Variants in ACOX3 observed in about 807,000 individuals in gnomAD.
The protein encoded by ACOX3 is acyl-CoA oxidase 3, pristanoyl, also known as peroxisomal acyl-coenzyme A oxidase 3.
ACOX3 carries 73 observed loss-of-function variants against 81.5 expected under a neutral mutation model. The ratio of observed to expected loss-of-function variants is 0.90; its 90% CI spans 0.74 to 1.09. The LOEUF is 1.09. Among genes scored for constraint, ACOX3 ranks in the 50% least tolerant of loss-of-function variants. ACOX3 has a pLI of 0.00. For synonymous variants in ACOX3, 387 were observed against 375.1 expected (o/e 1.03, Z -0.37); for missense variants, 947 against 928.0 (o/e 1.02, Z -0.27).
chr4:8,399,267 G>A lies in ACOX3; in HGVS notation c.873+289C>T, dbSNP rs1407893534. On this transcript the variant is annotated intron_variant, in intron 8 of 17. Coordinates refer to ENST00000356406, the MANE Select transcript of ACOX3 (RefSeq NM_003501.3). The surrounding 1 kb of genome is among the most constrained non-coding windows in gnomAD (Gnocchi z 4.9). ...GAGACCCGTCTCCTTCAAATCCTCA[G>A]GGAAGCATCACTGGAAGCGAGCAGT... Among the ~76,000 whole-genome samples, 1 of 152,170 alleles carries A rather than the reference G, an allele frequency of 6.6e-6. No homozygotes were observed. The highest frequency in any genetic ancestry group is 1.5e-5 in the Non-Finnish European group (1 of 68,026).
intron 1 of ACOX3, among the ~76,000 whole-genome samples, chr4:8,429,758 GCAATTTGCCATGTAAAGAA>G (rs1323118226): frequency 1.3e-5 from 2 of 152,212 alleles, no homozygotes; most frequent in Non-Finnish European, 2.9e-5. Context: ...ACTAGACTTA[GCAATTTGCCATGTAAAGAA>G]CAAGGAAGAG....
downstream of ACOX3, among the ~76,000 whole-genome samples, chr4:8,365,704 T>C (rs952385045): frequency 6.6e-6 from 1 of 152,228 alleles, no homozygotes; most frequent in Non-Finnish European, 1.5e-5. Context: ...AAGAAGTCAC[T>C]AATTACCCCT....
At chr4:8,401,142 C>T (rs534733862) in intron 7 of ACOX3, among the ~76,000 whole-genome samples, 16 of 152,122 alleles carry the variant, frequency 1.1e-4, no homozygotes, top group African/African-American at 3.4e-4. Flanking sequence ...TGACAGGAGG[C>T]GGAGCTCAGG....
chr4:8,360,626 C>G, the ACOX3 span, among the ~76,000 whole-genome samples: 1 of 152,100 alleles, frequency 6.6e-6, no homozygotes, highest in Non-Finnish European at 1.5e-5. Context: ...CACCCGCCAC[C>G]ACGCCTGGCT....
At chr4:8,393,604 GACAC>G (rs559059061) in intron 10 of ACOX3, among the ~76,000 whole-genome samples, 12 of 142,944 alleles carry the variant, frequency 8.4e-5, no homozygotes, top group Non-Finnish European at 1.2e-4. Context: ...TTAAGAGGAA[GACAC>G]ACACACGCAC....
rs991122302 is a variant in ACOX3, at chr4:8,435,857, C to G, written c.-15+4791G>C. ...TTTCTCCATATGGCCCAGCCTACCC[C>G]CCTTTACCGAGGCCAACAGCCCCCT... On this transcript the variant is annotated intron_variant, in intron 1 of 17. Transcript: ENST00000356406. Among the ~76,000 whole-genome samples the G allele has an allele frequency of 5.9e-5, 9 of 152,212 alleles. No individual in the cohort carries two copies. In the South Asian group the frequency reaches 1.5e-3, roughly 25 times the overall value.
intron 7 of ACOX3, among the ~76,000 whole-genome samples, chr4:8,401,853 G>C (rs1342135080): frequency 6.6e-6 from 1 of 152,206 alleles, no homozygotes; most frequent in Non-Finnish European, 1.5e-5. Flanking sequence ...TTGACACCAG[G>C]CAGCCCTCGG....
Position 8,374,996 on chromosome 4 carries a change from C to T in ACOX3, c.1810G>A (p.Ala604Thr), listed in dbSNP as rs765630911. 14 of 1,531,594 alleles carry T rather than the reference C, an allele frequency of 9.1e-6. No individual in the cohort carries two copies. The highest frequency in any genetic ancestry group is 4.8e-5 in the South Asian group (4 of 83,382). 94.9% of individuals were successfully genotyped at this position (1,531,594 alleles called of 1,614,324 possible). A position where few individuals can be genotyped will look rare whatever the true frequency, so the allele number is the denominator to read the frequency against. The change falls in exon 15 of 18, where the codon GCG (alanine) becomes ACG (threonine). Residue 604 changes from alanine to threonine, a missense_variant. Transcript: ENST00000356406. ...LYALWSLSRH[A>T]ALLYRGGYFS... The stretch of plus-strand genomic sequence containing the variant: ...GCCTCACCTCGGTAGAGCAGGGCCG[C>T]GTGGCGGCTCAGGGACCACAGGGCG...
At chr4:8,409,915 G>A (rs1307733699) in intron 6 of ACOX3, among the ~76,000 whole-genome samples, 1 of 149,626 alleles carries the variant, frequency 6.7e-6, no homozygotes, top group Non-Finnish European at 1.5e-5. Context: ...CACTGTGGGC[G>A]GAGCTGTCTG....
rs1268991348 is a variant in ACOX3, at chr4:8,385,546, A to T, written c.1537+3627T>A. ...AACAGGGCCCACTGCAGGAAGCAAC[A>T]GCACAGGCCCCCAAGGCACAGGGCT... On this transcript the variant is annotated intron_variant, in intron 13 of 17. Coordinates refer to ENST00000356406, the MANE Select transcript of ACOX3 (RefSeq NM_003501.3). This position sits in a 1 kb window ranked among gnomAD's most constrained non-coding sequence, Gnocchi z 5.5. Among the ~76,000 whole-genome samples the T allele has an allele frequency of 6.6e-6, 1 of 152,252 alleles. No homozygotes were observed. The highest frequency in any genetic ancestry group is 1.5e-5 in the Non-Finnish European group (1 of 68,038).
At chr4:8,372,044 G>C (rs1323290177) in intron 16 of ACOX3, among the ~76,000 whole-genome samples, 1 of 152,228 alleles carries the variant, frequency 6.6e-6, no homozygotes, top group Non-Finnish European at 1.5e-5. Flanking sequence ...GGCACACACA[G>C]AGTGGCACAC....
rs1470523888 is a variant in ACOX3, at chr4:8,370,142, A to G, written c.1983+766T>C. ...AGCAATAGTCAGCTTATACTGAAAG[A>G]ATGGAAGGCACTCCAGGCAGCCCGA... On this transcript the variant is annotated intron_variant, in intron 17 of 17. Transcript: ENST00000356406. This position sits in a 1 kb window ranked among gnomAD's most constrained non-coding sequence, Gnocchi z 6.3. Among the ~76,000 whole-genome samples, 1 of 152,208 alleles carries G rather than the reference A, an allele frequency of 6.6e-6. No homozygotes were observed. The highest frequency in any genetic ancestry group is 1.5e-5 in the Non-Finnish European group (1 of 68,042).
At position 8,414,969 on chromosome 4, in the gene ACOX3, G is replaced by A; in HGVS notation, c.379-41C>T. 6.4e-7 allele frequency: 1 copy of A among 1,563,108 alleles called. No homozygotes were observed. Among genetic ancestry groups the A allele is most frequent in the Non-Finnish European group, 8.8e-7 (1 of 1,133,702 alleles). ...CGTCCTATCAACAGGGGGCAGGTAA[G>A]AAGAGTACTGCTCTTCCGGAACATC... On this transcript the variant is annotated intron_variant, in intron 3 of 17. Transcript: ENST00000356406. The surrounding 1 kb of genome is among the most constrained non-coding windows in gnomAD (Gnocchi z 6.1).
At chr4:8,371,682 T>A (rs1453497646) in intron 16 of ACOX3, among the ~76,000 whole-genome samples, 1 of 152,266 alleles carries the variant, frequency 6.6e-6, no homozygotes, top group African/African-American at 2.4e-5. Flanking sequence ...TGAGTGCACC[T>A]CTGCGCTTCA....
In ACOX3 at chr4:8,381,703, C is replaced by T. The variant is rs1432337193; in HGVS notation, c.1538-96G>A. The T allele has an allele frequency of 1.1e-6, 1 of 873,992 alleles. No individual in the cohort carries two copies. Among genetic ancestry groups the T allele is most frequent in the Non-Finnish European group, 1.8e-6 (1 of 553,712 alleles). 54.1% of individuals were successfully genotyped at this position (873,992 alleles called of 1,614,324 possible). ...GGGACAAGGCACTGCCAGCATCCTGCAGGTACCAGGTTGTCTTCATTGACA... is the reference window on the plus strand; with the variant it reads ...GGGACAAGGCACTGCCAGCATCCTGTAGGTACCAGGTTGTCTTCATTGACA... On this transcript the variant is annotated intron_variant, in intron 13 of 17. Transcript: ENST00000356406. This position sits in a 1 kb window ranked among gnomAD's most constrained non-coding sequence, Gnocchi z 4.3.
At chr4:8,372,711 G>A (rs1716375375) in intron 16 of ACOX3, among the ~76,000 whole-genome samples, 1 of 152,232 alleles carries the variant, frequency 6.6e-6, no homozygotes, top group South Asian at 2.1e-4. Flanking sequence ...ACGTTCCACT[G>A]GTCCCAGATC....
In ACOX3 at chr4:8,416,411, C is replaced by G. The variant is rs763333567; in HGVS notation, c.111G>C (p.Leu37=). Residue 37 remains leucine (L), a synonymous_variant, in exon 2 of 18, where the codon CTG becomes CTC. Coordinates refer to ENST00000356406, the MANE Select transcript of ACOX3 (RefSeq NM_003501.3). This position sits in a 1 kb window ranked among gnomAD's most constrained non-coding sequence, Gnocchi z 4.2. ...RASFSWKELA[L]FTEGEGMLRF... is the part of the protein sequence containing the mutation. ...GGAGCATGCCCTCCCCTTCCGTGAA[C>G]AGCGCCAGCTCCTTCCAGCTGAAGG... 6.2e-7 allele frequency: 1 copy of G among 1,614,216 alleles called. No homozygotes were observed. Among genetic ancestry groups the G allele is most frequent in the South Asian group, 1.1e-5 (1 of 91,090 alleles).
rs1718224792 is a variant in ACOX3 at position 8,385,760 on chromosome 4, C to G, written c.1537+3413G>C. Among the ~76,000 whole-genome samples the G allele has an allele frequency of 6.6e-6, 1 of 152,230 alleles. No individual in the cohort carries two copies. The highest frequency in any genetic ancestry group is 1.5e-5 in the Non-Finnish European group (1 of 68,050). On this transcript the variant is annotated intron_variant, in intron 13 of 17. Transcript: ENST00000356406. The surrounding 1 kb of genome is among the most constrained non-coding windows in gnomAD (Gnocchi z 5.5). Reference sequence around the variant, plus strand: ...CCTGTGTCTCTCCAGTCCTGCAGAGCCTGAGGGCCCCACATCACTTAAACA... The same window carrying G: ...CCTGTGTCTCTCCAGTCCTGCAGAGGCTGAGGGCCCCACATCACTTAAACA...
At chr4:8,371,264 C>T (rs369909126) in intron 16 of ACOX3, among the ~76,000 whole-genome samples, 86 of 152,280 alleles carry the variant, frequency 5.6e-4, no homozygotes, top group African/African-American at 2.0e-3. Flanking sequence ...TTAAAAGTGA[C>T]GACCCTGAAG....
Sources: gnomAD v4.1 joint callset for allele counts (sites outside exome capture counted in the v4.1 genomes callset) on GRCh38, gnomAD v4.1.1 for gene constraint, Gnocchi (gnomAD v3.1) non-coding constraint, MANE v1.5 for transcripts, NCBI Gene and HGNC (gene_info 2026-07-23, HGNC 2026-07-21) for gene names.